Variants in GATAD2A observed in about 807,000 individuals in gnomAD.
GATAD2A encodes the protein transcriptional repressor p66-alpha.
Under a neutral mutation model 68.5 loss-of-function variants are expected in GATAD2A, and 12 were observed. The ratio of observed to expected loss-of-function variants is 0.18; its 90% CI spans 0.11 to 0.28. The LOEUF (loss-of-function observed/expected upper bound fraction) is 0.28, where lower values mean the gene tolerates loss of function less well. GATAD2A is among the 10% of genes least tolerant of loss of function. The pLI is 1.00. For synonymous variants in GATAD2A, 410 were observed against 375.3 expected (o/e 1.09, Z -1.07); for missense variants, 755 against 868.5 (o/e 0.87, Z 1.64).
chr19:19,410,197 C>A (rs986686450), intron 1 of GATAD2A, among the ~76,000 whole-genome samples: 3 of 152,118 alleles, frequency 2.0e-5, no homozygotes, highest in Non-Finnish European at 4.4e-5. Flanking sequence ...TTTTAGGGTT[C>A]CTTATATGGA....
In GATAD2A at chr19:19,492,941, C is replaced by CTT. The variant is rs11304753; in HGVS notation, c.534+246_534+247dup. On this transcript the variant is annotated intron_variant, in intron 4 of 11. Transcript: ENST00000683918. The stretch of plus-strand genomic sequence containing the variant: ...TCTGGTTCTGAGGGTCTAAAGCTCA[C>CTT]TTTTTTTTTTTTTTTTTTGAGATGG... 5.4e-4 allele frequency among the ~76,000 whole-genome samples: 73 copies of CTT among 134,006 alleles called. 1 individual carries two copies. The South Asian group carries it at 5.7e-3, about 10-fold the overall frequency. 87.9% of individuals were successfully genotyped at this position (134,006 alleles called of 152,430 possible). A position where few individuals can be genotyped will look rare whatever the true frequency, so the allele number is the denominator to read the frequency against.
intron 1 of GATAD2A, chr19:19,435,070 T>C: frequency 1.9e-6 from 1 of 531,586 alleles, no homozygotes; most frequent in Non-Finnish European, 3.9e-6. Flanking sequence ...TCTGTGACCC[T>C]GGGCAAGTTC....
At chr19:19,395,402 C>T (rs1024892024) in intron 1 of GATAD2A, among the ~76,000 whole-genome samples, 1 of 152,022 alleles carries the variant, frequency 6.6e-6, no homozygotes, top group African/African-American at 2.4e-5. Flanking sequence ...TTGCAATGAG[C>T]TGAGATCATG....
intron 1 of GATAD2A, among the ~76,000 whole-genome samples, chr19:19,396,002 G>A (rs2049213397): frequency 1.3e-5 from 2 of 152,162 alleles, no homozygotes; most frequent in Admixed American, 1.3e-4. Context: ...TGTTGTAGAT[G>A]CCTAGTAAAG....
chr19:19,411,641 C>T (rs974768035), intron 1 of GATAD2A, among the ~76,000 whole-genome samples: 1 of 151,934 alleles, frequency 6.6e-6, no homozygotes, highest in Admixed American at 6.6e-5. Flanking sequence ...CACTCTTCAG[C>T]GTTGGGTGGG....
At chr19:19,451,909 G>A (rs1447901590) in intron 1 of GATAD2A, among the ~76,000 whole-genome samples, 1 of 152,128 alleles carries the variant, frequency 6.6e-6, no homozygotes, top group Admixed American at 6.5e-5. Flanking sequence ...GCAGTGGTGC[G>A]ATCATTGCAG....
chr19:19,486,019 G>T (rs902787455), intron 2 of GATAD2A, among the ~76,000 whole-genome samples: 1 of 152,192 alleles, frequency 6.6e-6, no homozygotes, highest in Non-Finnish European at 1.5e-5. Flanking sequence ...AGTCCGTGGC[G>T]CTGGTTCCTC....
intron 1 of GATAD2A, among the ~76,000 whole-genome samples, chr19:19,417,520 G>C (rs918318757): frequency 2.6e-5 from 4 of 152,104 alleles, no homozygotes; most frequent in Admixed American, 2.0e-4. Flanking sequence ...TTGGGTGCGG[G>C]GGGTGGAGTT....
At chr19:19,438,453 A>G (rs2054616672) in intron 1 of GATAD2A, among the ~76,000 whole-genome samples, 1 of 152,182 alleles carries the variant, frequency 6.6e-6, no homozygotes, top group Non-Finnish European at 1.5e-5. Flanking sequence ...CAGCCAGCCC[A>G]GGGAAGTGAG....
intron 8 of GATAD2A, among the ~76,000 whole-genome samples, chr19:19,499,579 G>A (rs1306867153): frequency 6.6e-6 from 1 of 152,144 alleles, no homozygotes; most frequent in African/African-American, 2.4e-5. Flanking sequence ...GGGCCAGGTC[G>A]AGCTGTGCCC....
At chr19:19,495,651 A>C (rs1485993686) in intron 5 of GATAD2A, 103 bp from the exon 6 acceptor site, 23 of 1,076,684 alleles carry the variant, frequency 2.1e-5, no homozygotes, top group Non-Finnish European at 2.8e-5. Context: ...AAAAAAAAAA[A>C]AAAACTAGTA....
Position 19,497,644 on chromosome 19 carries a change from C to T in GATAD2A, c.925-799C>T, listed in dbSNP as rs558342577. ...GGGGGTGGGACCCTGGGAAGGCATC[C>T]TGCACACCCTGTGCCCCACAGTGTG... On this transcript the variant is annotated intron_variant, in intron 7 of 11. Transcript: ENST00000683918. 3.3e-5 allele frequency among the ~76,000 whole-genome samples: 5 copies of T among 152,264 alleles called. No individual in the cohort carries two copies. In the South Asian group the frequency reaches 1.0e-3, roughly 32 times the overall value.
At chr19:19,424,657 G>C (rs1364842869) in intron 1 of GATAD2A, among the ~76,000 whole-genome samples, 1 of 152,104 alleles carries the variant, frequency 6.6e-6, no homozygotes, top group Non-Finnish European at 1.5e-5. Flanking sequence ...ACAGGCATGA[G>C]CCATCATGCC....
intron 1 of GATAD2A, chr19:19,440,228 G>A: frequency 3.6e-6 from 1 of 275,294 alleles, no homozygotes; most frequent in South Asian, 3.4e-5. Flanking sequence ...AAAGGTGGGG[G>A]GATTTGCTCA....
intron 1 of GATAD2A, among the ~76,000 whole-genome samples, chr19:19,426,852 G>A (rs1048569577): frequency 2.6e-5 from 4 of 152,226 alleles, no homozygotes; most frequent in Non-Finnish European, 5.9e-5. Context: ...GAGAAGCGGA[G>A]GGAAGGACTA....
At chr19:19,466,076 G>A (rs560807587) in intron 2 of GATAD2A, among the ~76,000 whole-genome samples, 68 of 152,320 alleles carry the variant, frequency 4.5e-4, no homozygotes, top group African/African-American at 1.5e-3. Flanking sequence ...TCCTCGGAGC[G>A]GGTACGGGAT....
Position 19,501,297 on chromosome 19 carries a change from G to A in GATAD2A, c.1384G>A (p.Ala462Thr), listed in dbSNP as rs758316709. The A allele has an allele frequency of 6.2e-6, 10 of 1,613,100 alleles. No individual in the cohort carries two copies. Among genetic ancestry groups the A allele is most frequent in the African/African-American group, 1.3e-5 (1 of 74,948 alleles). Residue 462 changes from alanine to threonine, a missense_variant, in exon 9 of 12, where the codon GCC becomes ACC. Ala to Thr is a moderately conservative substitution (Grantham distance 58). Transcript: ENST00000683918. The part of the protein sequence containing the change: ...KVEHTSRLKA[A>T]FVKALQQEQE... ...GGAGCACACCAGCCGGCTGAAGGCC[G>A]CCTTTGTGAAGGCGCTGCAGCAGGA...
rs1478536037 is a variant in GATAD2A at position 19,506,128 on chromosome 19, C to T, written c.*654C>T. 11 of 398,978 alleles carry T rather than the reference C, an allele frequency of 2.8e-5. No homozygotes were observed. Among genetic ancestry groups the T allele is most frequent in the East Asian group, 2.5e-4 (7 of 28,062 alleles). 24.7% of individuals were successfully genotyped at this position (398,978 alleles called of 1,614,324 possible). A position where few individuals can be genotyped will look rare whatever the true frequency, so the allele number is the denominator to read the frequency against. ...CAGCCCCTGGCAGGGACGGCCGGCC[C>T]GCCCCCGTGACTGACTGACAGATGC... On this transcript the variant is annotated 3_prime_UTR_variant, in exon 12 of 12. Transcript: ENST00000683918.
chr19:19,502,918 A>G (rs1402106390), intron 11 of GATAD2A, among the ~76,000 whole-genome samples: 1 of 152,120 alleles, frequency 6.6e-6, no homozygotes, highest in Non-Finnish European at 1.5e-5. Flanking sequence ...TGTGCCATCC[A>G]TGCTGCGGTC....
Sources: gnomAD v4.1 joint callset for allele counts (sites outside exome capture counted in the v4.1 genomes callset) on GRCh38, gnomAD v4.1.1 for gene constraint, MANE v1.5 for transcripts, NCBI Gene and HGNC (gene_info 2026-07-23, HGNC 2026-07-21) for gene names.